The following PPIL4 variants were observed in gnomAD, a reference collection of about 807,000 sequenced individuals.
PPIL4 encodes the protein peptidyl-prolyl cis-trans isomerase-like 4.
Under a neutral mutation model 69.1 loss-of-function variants are expected in PPIL4, and 50 were observed. That is an observed-to-expected ratio of 0.72 (90% CI 0.58 to 0.92). The LOEUF (loss-of-function observed/expected upper bound fraction) is 0.92. PPIL4 is among the 40% of genes least tolerant of loss of function. PPIL4 has a pLI of 0.00. For missense variants in PPIL4, 480 were observed against 587.9 expected, an observed-to-expected ratio of 0.82 and a Z score of 1.90; for synonymous variants, 193 against 191.6, an observed-to-expected ratio of 1.01 and a Z score of -0.06.
intron 12 of PPIL4, 33 bp from the exon 13 acceptor site, chr6:149,505,737 A>G (rs1776760959): frequency 6.3e-7 from 1 of 1,583,766 alleles, no homozygotes; most frequent in African/African-American, 1.4e-5. Context: ...CAAGTGAATC[A>G]GTAAAATAAT....
chr6:149,544,909 T>C (rs1254438430), intron 1 of PPIL4, among the ~76,000 whole-genome samples: 1 of 152,162 alleles, frequency 6.6e-6, no homozygotes, highest in African/African-American at 2.4e-5. Flanking sequence ...TCCATGTGGG[T>C]AGGACCCTGT....
At chr6:149,517,253 G>C in intron 11 of PPIL4, 101 bp downstream of exon 11, 1 of 669,302 alleles carries the variant, frequency 1.5e-6, no homozygotes, top group South Asian at 1.9e-5. Context: ...CAGGAAATTT[G>C]TCTTCTATAG....
chr6:149,535,036 T>TCA (rs1445761787), intron 5 of PPIL4, among the ~76,000 whole-genome samples: 1 of 152,200 alleles, frequency 6.6e-6, no homozygotes, highest in African/African-American at 2.4e-5. Context: ...GCCCTACTTC[T>TCA]CAATTAAAAA....
chr6:149,531,531 C>CA (rs113611329), intron 7 of PPIL4, among the ~76,000 whole-genome samples: 96,686 of 135,204 alleles, frequency 0.72, 35,088 homozygotes, highest in East Asian at 0.94. Context: ...AACTCCGTCT[C>CA]AAAAAAAAAA....
chr6:149,525,249 AAG>A, intron 8 of PPIL4, 40 bp from the exon 9 acceptor site: 1 of 1,112,644 alleles, frequency 9.0e-7, no homozygotes, highest in Non-Finnish European at 1.3e-6. Flanking sequence ...AAAAAAAAAA[AAG>A]GAAGAAAGCA....
chr6:149,526,562 A>T, intron 8 of PPIL4, 90 bp downstream of exon 8: 1 of 1,294,926 alleles, frequency 7.7e-7, no homozygotes, highest in Non-Finnish European at 1.1e-6. Flanking sequence ...TTCGCCTAGA[A>T]TTCACAGAAT....
chr6:149,515,155 T>TTA (rs1554216145), intron 11 of PPIL4, among the ~76,000 whole-genome samples: 121 of 145,936 alleles, frequency 8.3e-4, no homozygotes, highest in African/African-American at 2.9e-3. Context: ...TTTTTTTTTT[T>TTA]AAGAAAAAAA....
intron 6 of PPIL4, 56 bp from the exon 7 acceptor site, chr6:149,533,630 A>G (rs924022866): frequency 2.2e-6 from 2 of 927,686 alleles, no homozygotes; most frequent in Non-Finnish European, 3.3e-6. Context: ...AATCTGAGAA[A>G]CATAGAAGAC....
chr6:149,527,865 C>A (rs1389130077), intron 7 of PPIL4, among the ~76,000 whole-genome samples: 1 of 152,124 alleles, frequency 6.6e-6, no homozygotes, highest in South Asian at 2.1e-4. Context: ...GCCCTTCCCC[C>A]CAAAATCTTG....
chr6:149,525,269 TCA>T, intron 8 of PPIL4, 60 bp from the exon 9 acceptor site: 2 of 847,184 alleles, frequency 2.4e-6, no homozygotes, highest in Non-Finnish European at 3.8e-6. Flanking sequence ...GCATTCACTC[TCA>T]CTCTTCAAAA....
chr6:149,533,561 C>T lies in PPIL4; in HGVS notation c.575G>A (p.Gly192Glu), dbSNP rs145855223. The stretch of plus-strand genomic sequence containing the variant: ...GAAATCATCAATTTCTTCATCTGCT[C>T]CTATTCGACCACTCTGTTAAGACAG... The part of the protein sequence containing the change: ...TREQLDSGRI[G>E]ADEEIDDFKG... Residue 192 changes from glycine (G) to glutamate (E), a missense_variant, in exon 7 of 13, where the codon GGA (glycine) becomes GAA (glutamate). Coordinates refer to ENST00000253329, the MANE Select transcript of PPIL4 (RefSeq NM_139126.4). The T allele has an allele frequency of 6.2e-7, 1 of 1,600,768 alleles. No individual in the cohort carries two copies. Among genetic ancestry groups the T allele is most frequent in the African/African-American group, 1.3e-5 (1 of 74,632 alleles).
chr6:149,533,732 T>G (rs993636314), intron 6 of PPIL4, among the ~76,000 whole-genome samples, 158 bp from the exon 7 acceptor site: 3 of 152,092 alleles, frequency 2.0e-5, no homozygotes, highest in Non-Finnish European at 4.4e-5. Flanking sequence ...TCCAGCTGGG[T>G]GACACAGTGA....
At position 149,515,082 on chromosome 6, in the gene PPIL4, C is replaced by T. The variant is rs182718300; in HGVS notation, c.1079+2272G>A. 7.9e-3 allele frequency among the ~76,000 whole-genome samples: 1,207 copies of T among 152,174 alleles called. 16 individuals are homozygous for T. Among genetic ancestry groups the T allele is most frequent in the African/African-American group, 0.028 (1,143 of 41,500 alleles). ...TGAACTCCCGACCTCGGGTGATCTG[C>T]CCGCCTCGGCCTCCCAGAGTGCTGG... On this transcript the variant is annotated intron_variant, in intron 11 of 12. Coordinates refer to ENST00000253329, the MANE Select transcript of PPIL4 (RefSeq NM_139126.4).
chr6:149,540,184 A>C lies in PPIL4; in HGVS notation c.321+758T>G, dbSNP rs868806145. 1.8e-4 allele frequency among the ~76,000 whole-genome samples: 27 copies of C among 152,330 alleles called. No homozygotes were observed. The South Asian group carries it at 5.6e-3, about 32-fold the overall frequency. ...AAATACTTAGACAAGCCATGACTCA[A>C]CTTCATGTGTATATAGTAGAAAACA... On this transcript the variant is annotated intron_variant, in intron 4 of 12. Coordinates refer to ENST00000253329, the MANE Select transcript of PPIL4 (RefSeq NM_139126.4).
In PPIL4 at chr6:149,541,665, A is replaced by G; in HGVS notation, c.71-79T>C. Reference sequence around the variant, plus strand: ...AATAAGTAAAGCCACAGTAAAATGTAATTTCTAAATTACTATTAAAAGAAA... The same window carrying G: ...AATAAGTAAAGCCACAGTAAAATGTGATTTCTAAATTACTATTAAAAGAAA... On this transcript the variant is annotated intron_variant, in intron 1 of 12. Coordinates refer to ENST00000253329, the MANE Select transcript of PPIL4 (RefSeq NM_139126.4). The G allele has an allele frequency of 3.7e-6, 3 of 802,568 alleles. No homozygotes were observed. In the South Asian group the frequency reaches 4.8e-5, roughly 13 times the overall value. The allele number at this position is 802,568 out of a possible 1,614,324, so 49.7% of individuals were successfully genotyped here. A position where few individuals can be genotyped will look rare whatever the true frequency, so the allele number is the denominator to read the frequency against.
chr6:149,541,593 G>A lies in PPIL4; in HGVS notation c.71-7C>T. 1 of 1,472,932 alleles carries A rather than the reference G, an allele frequency of 6.8e-7. No homozygotes were observed. The allele number at this position is 1,472,932 out of a possible 1,614,324, so 91.2% of individuals were successfully genotyped here. ...TTCAAGAAATTCAAGCAGGCTGAAA[G>A]AAAGTAAATACCAAATTTATCACAG... On this transcript the variant is annotated splice_polypyrimidine_tract_variant and splice_region_variant and intron_variant, in intron 1 of 12. Transcript: ENST00000253329.
At chr6:149,515,598 A>C (rs1236176056) in intron 11 of PPIL4, among the ~76,000 whole-genome samples, 1 of 152,212 alleles carries the variant, frequency 6.6e-6, no homozygotes, top group Non-Finnish European at 1.5e-5. Flanking sequence ...TGTAAGCTCT[A>C]TGTGGGCAGG....
At chr6:149,523,571 A>G (rs1777062387) in intron 9 of PPIL4, among the ~76,000 whole-genome samples, 1 of 152,076 alleles carries the variant, frequency 6.6e-6, no homozygotes, top group Non-Finnish European at 1.5e-5. Flanking sequence ...AGCACCTGTA[A>G]TCCCAGCTAC....
chr6:149,520,940 G>T (rs1777020709), intron 10 of PPIL4, 120 bp downstream of exon 10: 3 of 600,968 alleles, frequency 5.0e-6, no homozygotes, highest in Non-Finnish European at 8.8e-6. Context: ...TTGAACCTGG[G>T]AGACACAGGT....
Sources: allele counts gnomAD v4.1 joint callset (sites outside exome capture counted in the v4.1 genomes callset), GRCh38; gene constraint gnomAD v4.1.1; transcripts MANE v1.5; gene names NCBI Gene and HGNC (gene_info 2026-07-23, HGNC 2026-07-21).